The following FAM193A variants were observed in gnomAD, a reference collection of about 807,000 sequenced individuals.
FAM193A encodes the protein family with sequence similarity 193 member A.
In FAM193A, 22 loss-of-function variants were observed where a neutral mutation model predicts 126.5. The observed-to-expected ratio is 0.17, with a 90% CI of 0.12 to 0.25. The LOEUF (loss-of-function observed/expected upper bound fraction) is 0.25, where lower values mean the gene tolerates loss of function less well. FAM193A is among the 10% of genes least tolerant of loss of function. The pLI is 1.00. For missense variants in FAM193A, 1,675 were observed against 1,672.8 expected, an observed-to-expected ratio of 1.00 and a Z score of -0.02; for synonymous variants, 761 against 646.8, an observed-to-expected ratio of 1.18 and a Z score of -2.68.
chr4:2,535,504 T>C (rs1736829314), upstream of FAM193A, among the ~76,000 whole-genome samples: 1 of 151,988 alleles, frequency 6.6e-6, no homozygotes, highest in South Asian at 2.1e-4. Context: ...AAAGGGGAAA[T>C]CATGTCCTTT....
chr4:2,580,791 A>T (rs1739874453), intron 1 of FAM193A, among the ~76,000 whole-genome samples: 2 of 152,246 alleles, frequency 1.3e-5, no homozygotes, highest in Admixed American at 1.3e-4. Context: ...ATGCTTGTAT[A>T]GCCTACAGAA....
chr4:2,605,970 C>CAAAA (rs1160026686), intron 2 of FAM193A, among the ~76,000 whole-genome samples: 649 of 31,924 alleles, frequency 0.02, 93 homozygotes, highest in Middle Eastern at 0.11. Context: ...GACTCTGTCT[C>CAAAA]AAAAAAAAAA....
At chr4:2,693,080 GCTCCGT>G (rs1716589535) in intron 15 of FAM193A, among the ~76,000 whole-genome samples, 1 of 151,604 alleles carries the variant, frequency 6.6e-6, no homozygotes, top group South Asian at 2.1e-4. Context: ...ACGGAGTCTT[GCTCCGT>G]CACCCAGGCT....
chr4:2,667,384 G>A (rs1184342773), intron 12 of FAM193A, among the ~76,000 whole-genome samples: 1 of 152,204 alleles, frequency 6.6e-6, no homozygotes, highest in African/African-American at 2.4e-5. Flanking sequence ...CTGATTATCT[G>A]TCTGGTGGTT....
At chr4:2,542,123 C>A (rs1293195054) in intron 1 of FAM193A, among the ~76,000 whole-genome samples, 1 of 151,888 alleles carries the variant, frequency 6.6e-6, no homozygotes, top group Non-Finnish European at 1.5e-5. Flanking sequence ...TCAAGTGATT[C>A]TTTTGCCTCA....
chr4:2,684,996 A>G (rs1715574295), intron 13 of FAM193A, among the ~76,000 whole-genome samples: 1 of 152,178 alleles, frequency 6.6e-6, no homozygotes, highest in Non-Finnish European at 1.5e-5. Context: ...CAGGGCCTGA[A>G]TCTATACCGG....
intron 2 of FAM193A, among the ~76,000 whole-genome samples, chr4:2,620,913 A>G (rs1358560059): frequency 6.6e-6 from 1 of 151,910 alleles, no homozygotes; most frequent in Non-Finnish European, 1.5e-5. Flanking sequence ...TGAATGCTAA[A>G]GAATATGGCC....
intron 13 of FAM193A, among the ~76,000 whole-genome samples, chr4:2,686,966 G>A (rs568847444): frequency 8.3e-4 from 127 of 152,170 alleles, no homozygotes; most frequent in Non-Finnish European, 1.6e-3. Flanking sequence ...CCTGGCTCTT[G>A]TCCCATGGGG....
intron 13 of FAM193A, among the ~76,000 whole-genome samples, chr4:2,683,265 G>A (rs1715355817): frequency 6.6e-6 from 1 of 151,726 alleles, no homozygotes; most frequent in Non-Finnish European, 1.5e-5. Flanking sequence ...CCCCCACCCA[G>A]CTGCTTTCAA....
intron 1 of FAM193A, among the ~76,000 whole-genome samples, chr4:2,541,481 CTG>C (rs1737230321): frequency 7.0e-6 from 1 of 143,068 alleles, no homozygotes; most frequent in African/African-American, 2.7e-5. Flanking sequence ...GAGTCTCGCT[CTG>C]TCACCAGGCT....
chr4:2,581,411 G>A (rs1739930976), intron 1 of FAM193A, among the ~76,000 whole-genome samples: 1 of 151,080 alleles, frequency 6.6e-6, no homozygotes, highest in Admixed American at 6.6e-5. Context: ...ATGCCACCAC[G>A]CCTGGCTGAT....
chr4:2,588,820 A>G (rs1740371908), intron 1 of FAM193A, among the ~76,000 whole-genome samples: 1 of 152,232 alleles, frequency 6.6e-6, no homozygotes. Context: ...GAAGGGTTAC[A>G]AACTGCAGTG....
intron 19 of FAM193A, among the ~76,000 whole-genome samples, chr4:2,711,458 G>C (rs943211140): frequency 1.3e-5 from 2 of 151,700 alleles, no homozygotes; most frequent in African/African-American, 2.4e-5. Context: ...TCCTGTCTCA[G>C]CCTCCCGAGT....
intron 2 of FAM193A, among the ~76,000 whole-genome samples, chr4:2,601,877 T>C (rs1577061274): frequency 6.6e-6 from 1 of 152,318 alleles, no homozygotes; most frequent in East Asian, 1.9e-4. Context: ...CTCGCTCTGT[T>C]GCCCAGGCCG....
intron 2 of FAM193A, among the ~76,000 whole-genome samples, chr4:2,623,969 G>A (rs1015092595): frequency 4.0e-5 from 6 of 148,476 alleles, no homozygotes; most frequent in Admixed American, 4.0e-4. Context: ...GCATCACCCT[G>A]TGGGCACCCT....
At chr4:2,657,110 T>C (rs1415936984) in intron 7 of FAM193A, among the ~76,000 whole-genome samples, 3 of 152,126 alleles carry the variant, frequency 2.0e-5, no homozygotes, top group African/African-American at 4.8e-5. Context: ...AGAGGTTGCA[T>C]TGAGCCGAGA....
In FAM193A at chr4:2,602,415, T is replaced by G. The variant is rs556570345; in HGVS notation, c.501+6086T>G. Reference sequence around the variant, plus strand: ...TGTCTCCCAGGCTGGAGTGCAGTTGTGTGATCTCGGCTCACTGAAACCTCC... The same window carrying G: ...TGTCTCCCAGGCTGGAGTGCAGTTGGGTGATCTCGGCTCACTGAAACCTCC... On this transcript the variant is annotated intron_variant, in intron 2 of 20. Transcript: ENST00000637812. Among the ~76,000 whole-genome samples the G allele has an allele frequency of 2.0e-5, 3 of 149,098 alleles. No homozygotes were observed. The South Asian group carries it at 6.4e-4, about 32-fold the overall frequency.
chr4:2,581,464 A>G (rs1200861956), intron 1 of FAM193A, among the ~76,000 whole-genome samples: 1 of 151,812 alleles, frequency 6.6e-6, no homozygotes, highest in Non-Finnish European at 1.5e-5. Context: ...CATGTTGCCC[A>G]GGCTGATCTC....
intron 20 of FAM193A, among the ~76,000 whole-genome samples, chr4:2,726,631 CCTT>C (rs1300730930): frequency 1.3e-5 from 2 of 151,616 alleles, no homozygotes; most frequent in African/African-American, 4.8e-5. Flanking sequence ...CTTTTTTCCT[CCTT>C]AAATTTGTGA....
Sources: allele counts gnomAD v4.1 joint callset (sites outside exome capture counted in the v4.1 genomes callset), GRCh38; gene constraint gnomAD v4.1.1; transcripts MANE v1.5; gene names NCBI Gene and HGNC (gene_info 2026-07-23, HGNC 2026-07-21).